AUTS2: variants seen among roughly 807,000 people sequenced by gnomAD.
The protein encoded by AUTS2 is autism susceptibility gene 2 protein.
AUTS2 carries 17 observed loss-of-function variants against 112.4 expected under a neutral mutation model. The ratio of observed to expected loss-of-function variants is 0.15; its 90% CI spans 0.10 to 0.23. The LOEUF is 0.23. AUTS2 is among the 10% of genes least tolerant of loss of function. The pLI, the probability that AUTS2 is intolerant of heterozygous loss-of-function variation, is 1.00. For missense variants in AUTS2, 1,510 were observed against 1,701.6 expected (o/e 0.89, Z 1.98); for synonymous variants, 751 against 702.7 (o/e 1.07, Z -1.09).
At chr7:70,497,401 GTCAAAGTTTGGAA>G (rs1798601623) in intron 5 of AUTS2, among the ~76,000 whole-genome samples, 1 of 152,208 alleles carries the variant, frequency 6.6e-6, no homozygotes, top group Admixed American at 6.5e-5. Context: ...TCTAGGGCAA[GTCAAAGTTTGGAA>G]ACAGAAGAGG....
chr7:69,991,021 G>A (rs1798721819), intron 2 of AUTS2, among the ~76,000 whole-genome samples: 1 of 152,166 alleles, frequency 6.6e-6, no homozygotes, highest in African/African-American at 2.4e-5. Context: ...CTTTTAAGAA[G>A]GCTATGGGGT....
intron 5 of AUTS2, among the ~76,000 whole-genome samples, chr7:70,629,572 C>T (rs4718970): frequency 0.33 from 50,264 of 151,956 alleles, 8,781 homozygotes; most frequent in South Asian, 0.53. Context: ...ATCCCCTTGC[C>T]ACCTCCCTTA....
chr7:70,559,041 T>C (rs538524821), intron 5 of AUTS2, among the ~76,000 whole-genome samples: 8 of 152,164 alleles, frequency 5.3e-5, no homozygotes, highest in African/African-American at 1.9e-4. Context: ...ATCACAGGGG[T>C]GGGTCTTTCC....
At chr7:69,774,453 G>A (rs529582702) in intron 1 of AUTS2, among the ~76,000 whole-genome samples, 1 of 152,326 alleles carries the variant, frequency 6.6e-6, no homozygotes, top group East Asian at 1.9e-4. Flanking sequence ...AAAATCTCAA[G>A]AACCAGGAAG....
chr7:69,854,218 T>C (rs551741860), intron 1 of AUTS2, among the ~76,000 whole-genome samples: 1 of 152,182 alleles, frequency 6.6e-6, no homozygotes, highest in Non-Finnish European at 1.5e-5. Flanking sequence ...CTTTCTAAAT[T>C]CACCCTGTTA....
At chr7:70,252,480 C>G (rs1158880783) in intron 4 of AUTS2, among the ~76,000 whole-genome samples, 1 of 151,978 alleles carries the variant, frequency 6.6e-6, no homozygotes, top group African/African-American at 2.4e-5. Context: ...ATTTGAGTTC[C>G]TTATATATTT....
chr7:70,217,199 T>C (rs1811214545), intron 4 of AUTS2, among the ~76,000 whole-genome samples: 1 of 152,248 alleles, frequency 6.6e-6, no homozygotes, highest in Non-Finnish European at 1.5e-5. Flanking sequence ...GATATTGGTT[T>C]GCAGTCTTCT....
rs145670402 is a variant in AUTS2 at position 69,726,701 on chromosome 7, A to T, written c.309+126739A>T. Among the ~76,000 whole-genome samples the T allele has an allele frequency of 6.2e-3, 937 of 152,310 alleles. 11 individuals are homozygous for T. In the Middle Eastern group the frequency reaches 0.065, roughly 11 times the overall value. ...AGAGTTCTTGTTGTTCCATACTGTC[A>T]AACATTTGGTATGATAAGTCTTTTT... On this transcript the variant is annotated intron_variant, in intron 1 of 18. Coordinates refer to ENST00000342771, the MANE Select transcript of AUTS2 (RefSeq NM_015570.4).
intron 5 of AUTS2, among the ~76,000 whole-genome samples, chr7:70,478,618 A>C (rs1438599719): frequency 2.6e-5 from 4 of 152,290 alleles, no homozygotes; most frequent in African/African-American, 7.2e-5. Flanking sequence ...GGCACCACCA[A>C]CGTCATCCAC....
intron 2 of AUTS2, among the ~76,000 whole-genome samples, chr7:69,914,392 C>CACACACACACACACACACACACACACAA (rs1554403942): frequency 6.6e-6 from 1 of 150,760 alleles, no homozygotes; most frequent in African/African-American, 2.4e-5. Flanking sequence ...CACACACACA[C>CACACACACACACACACACACACACACAA]ACAAACAATC....
intron 4 of AUTS2, among the ~76,000 whole-genome samples, chr7:70,405,364 A>G (rs907925258): frequency 6.6e-6 from 1 of 152,220 alleles, no homozygotes; most frequent in Non-Finnish European, 1.5e-5. Flanking sequence ...AAGTCCTGAC[A>G]TGTTTCATGG....
At chr7:70,251,582 C>G (rs1168509430) in intron 4 of AUTS2, among the ~76,000 whole-genome samples, 2 of 152,044 alleles carry the variant, frequency 1.3e-5, no homozygotes, top group Non-Finnish European at 2.9e-5. Flanking sequence ...CTTTCCCTTC[C>G]TCTTCTCTGG....
intron 6 of AUTS2, among the ~76,000 whole-genome samples, chr7:70,754,167 G>GAATAAAATAA (rs141707447): frequency 1.3e-4 from 19 of 150,668 alleles, no homozygotes; most frequent in African/African-American, 4.1e-4. Context: ...TCTCAAAATA[G>GAATAAAATAA]AATAAAATAA....
At chr7:70,637,639 A>G (rs1805597404) in intron 5 of AUTS2, among the ~76,000 whole-genome samples, 1 of 152,208 alleles carries the variant, frequency 6.6e-6, no homozygotes. Flanking sequence ...AGGTAGGAAG[A>G]GGTAGGCGTT....
At chr7:70,528,746 A>G (rs563494212) in intron 5 of AUTS2, among the ~76,000 whole-genome samples, 162 of 151,988 alleles carry the variant, frequency 1.1e-3, no homozygotes, top group African/African-American at 3.7e-3. Flanking sequence ...GTTGTGCACT[A>G]TGATTATGCC....
At chr7:69,942,247 G>C (rs1482525672) in intron 2 of AUTS2, among the ~76,000 whole-genome samples, 1 of 152,136 alleles carries the variant, frequency 6.6e-6, no homozygotes, top group Non-Finnish European at 1.5e-5. Flanking sequence ...CCAGCACCTA[G>C]ATCAATACCT....
chr7:70,348,890 C>T (rs1791625356), intron 4 of AUTS2, among the ~76,000 whole-genome samples: 1 of 152,182 alleles, frequency 6.6e-6, no homozygotes, highest in Non-Finnish European at 1.5e-5. Context: ...ATGGTGAACG[C>T]TTTTCTAAGG....
rs553681000 is a variant in AUTS2, at chr7:69,642,949, AG to A, written c.309+42988del. ...GTCAGGAGGAGTCTGGGCACTTCTT[AG>A]TTGGGTCCTTTGCAAGGCTGCAATC... On this transcript the variant is annotated intron_variant, in intron 1 of 18. Transcript: ENST00000342771. Among the ~76,000 whole-genome samples, 190 of 152,272 alleles carry A rather than the reference AG, an allele frequency of 1.2e-3. 2 individuals carry two copies. Among genetic ancestry groups the A allele is most frequent in the Admixed American group, 1.0e-2 (153 of 15,304 alleles).
At chr7:70,575,819 G>A (rs1026778995) in intron 5 of AUTS2, among the ~76,000 whole-genome samples, 13 of 152,112 alleles carry the variant, frequency 8.5e-5, no homozygotes, top group South Asian at 2.1e-4. Context: ...AGGTTGTTGC[G>A]CTGCCTGCAA....
Sources: allele counts gnomAD v4.1 joint callset (sites outside exome capture counted in the v4.1 genomes callset), GRCh38; gene constraint gnomAD v4.1.1; transcripts MANE v1.5; gene names NCBI Gene and HGNC (gene_info 2026-07-23, HGNC 2026-07-21).